NUDC: variants seen among roughly 807,000 people sequenced by gnomAD.
NUDC encodes nuclear distribution C, dynein complex regulator, also known as nuclear migration protein nudC.
A neutral mutation model predicts 45.0 loss-of-function variants in NUDC; 14 were observed. The ratio of observed to expected loss-of-function variants is 0.31; its 90% CI spans 0.21 to 0.49. The LOEUF is 0.49. NUDC is among the 20% of genes least tolerant of loss of function. The pLI, the probability that NUDC is intolerant of heterozygous loss-of-function variation, is 0.99. For synonymous variants in NUDC, 153 were observed against 156.7 expected (o/e 0.98, Z 0.17); for missense variants, 323 against 426.2 (o/e 0.76, Z 2.13).
chr1:26,941,773 T>A lies in NUDC; in HGVS notation c.384T>A (p.His128Gln). Residue 128 changes from histidine to glutamine, a missense_variant, in exon 4 of 9, where the codon CAT becomes CAA. Physicochemically the swap from His to Gln is conservative, Grantham distance 24 (BLOSUM62 0). Around this residue, in one of 3 missense-constraint regions of NUDC, gnomAD observed 245 missense variants for 278.8 expected, o/e 0.88. Transcript: ENST00000321265. ...EIDQKKDAENHEAQLKNGSLD... is the reference protein window; with the variant it reads ...EIDQKKDAENQEAQLKNGSLD... ...CCCAGAAAAAGGATGCAGAGAATCA[T>A]GAGGCCCAGCTCAAGAACGGCAGCC... 1 of 1,614,000 alleles carries A rather than the reference T, an allele frequency of 6.2e-7. No homozygotes were observed. The highest frequency in any genetic ancestry group is 1.7e-5 in the Admixed American group (1 of 60,020).
chr1:26,940,674 CA>C (rs2082268918), intron 2 of NUDC, among the ~76,000 whole-genome samples: 1 of 152,146 alleles, frequency 6.6e-6, no homozygotes, highest in East Asian at 1.9e-4. Context: ...TTACTTTAAA[CA>C]GCGCCACTTT....
chr1:26,904,993 C>G (rs1407474356), intron 2 of NUDC, among the ~76,000 whole-genome samples: 2 of 150,540 alleles, frequency 1.3e-5, no homozygotes, highest in Non-Finnish European at 3.0e-5. Flanking sequence ...TGCGCCACCA[C>G]GCCCGGCTAA....
intron 3 of NUDC, chr1:26,913,789 G>A (rs1248053034): frequency 3.2e-6 from 5 of 1,548,778 alleles, no homozygotes; most frequent in Admixed American, 1.9e-5. Context: ...GCGATGAGGT[G>A]CACATAGCTG....
intron 3 of NUDC, chr1:26,913,684 C>A (rs370959977): frequency 1.9e-6 from 3 of 1,612,838 alleles, no homozygotes; most frequent in South Asian, 1.1e-5. Flanking sequence ...CTGCAGCAGC[C>A]GCCGCTGGTC....
At chr1:26,910,180 G>C (rs977927851) in intron 2 of NUDC, among the ~76,000 whole-genome samples, 10 of 152,150 alleles carry the variant, frequency 6.6e-5, no homozygotes, top group African/African-American at 2.2e-4. Flanking sequence ...GTGACTGTGT[G>C]GGGGTCTGCA....
At chr1:26,928,903 A>G (rs890337249) in intron 2 of NUDC, among the ~76,000 whole-genome samples, 3 of 152,222 alleles carry the variant, frequency 2.0e-5, no homozygotes, top group African/African-American at 7.2e-5. Context: ...CGTATGTTCT[A>G]GCAGTCATGC....
intron 2 of NUDC, among the ~76,000 whole-genome samples, chr1:26,936,417 C>T (rs957178108): frequency 2.0e-5 from 3 of 150,472 alleles, no homozygotes; most frequent in South Asian, 2.1e-4. Context: ...CTTGAACTCC[C>T]GACCTCAGGT....
At chr1:26,904,479 C>G (rs1169625578) in intron 2 of NUDC, among the ~76,000 whole-genome samples, 1 of 152,038 alleles carries the variant, frequency 6.6e-6, no homozygotes, top group Non-Finnish European at 1.5e-5. Flanking sequence ...AGGCTAGAGT[C>G]CATTGGCGCA....
chr1:26,942,459 A>G (rs942877488), intron 4 of NUDC, among the ~76,000 whole-genome samples: 1 of 152,216 alleles, frequency 6.6e-6, no homozygotes, highest in African/African-American at 2.4e-5. Context: ...AGCTCCTCTC[A>G]GACTGAGATC....
chr1:26,915,430 T>G (rs1384116542), intron 3 of NUDC, among the ~76,000 whole-genome samples: 1 of 152,186 alleles, frequency 6.6e-6, no homozygotes, highest in African/African-American at 2.4e-5. Flanking sequence ...CCCGGGCATC[T>G]TTCTCAGATG....
At chr1:26,929,896 C>T (rs924335746) in intron 2 of NUDC, among the ~76,000 whole-genome samples, 11 of 151,920 alleles carry the variant, frequency 7.2e-5, no homozygotes, top group South Asian at 2.1e-4. Context: ...TGGTGGTAGG[C>T]GCCTGTAATC....
intron 3 of NUDC, chr1:26,911,349 G>A: frequency 5.5e-6 from 2 of 366,842 alleles, no homozygotes; most frequent in South Asian, 4.2e-5. Context: ...ATGGGATTGT[G>A]AACTGATACT....
chr1:26,913,384 C>CA, intron 3 of NUDC: 1 of 1,612,292 alleles, frequency 6.2e-7, no homozygotes, highest in Non-Finnish European at 8.5e-7. Context: ...CCTTGCCCCC[C>CA]ACCCAGGAGT....
At position 26,913,771 on chromosome 1, in the gene NUDC, C is replaced by T. The variant is rs137897173; in HGVS notation, c.93+2536C>T. ...CTTGGCCAGAACATCCAAGGCCTCC[C>T]GGCAGGTGCGATGAGGTGCACATAG... On this transcript the variant is annotated intron_variant, in intron 3 of 6. Coordinates refer to the NUDC transcript ENST00000435827. 43 of 1,565,818 alleles carry T rather than the reference C, an allele frequency of 2.7e-5. No homozygotes were observed. Among genetic ancestry groups the T allele is most frequent in the African/African-American group, 2.0e-4 (15 of 73,604 alleles).
At position 26,921,827 on chromosome 1, in the gene NUDC, G is replaced by T; in HGVS notation, c.-22G>T. ...GCGGGACTAGAGTGCAGAGCTCCGG[G>T]ACGTGGATCGGAGCCGGCGCGATGG... is the stretch of plus-strand genomic sequence containing the variant. On this transcript the variant is annotated 5_prime_UTR_variant, in exon 1 of 9. Transcript: ENST00000321265. The T allele has an allele frequency of 6.5e-7, 1 of 1,549,320 alleles. No individual in the cohort carries two copies. Among genetic ancestry groups the T allele is most frequent in the South Asian group, 1.2e-5 (1 of 83,986 alleles).
At chr1:26,909,471 A>T (rs1019892081) in intron 2 of NUDC, among the ~76,000 whole-genome samples, 2 of 152,160 alleles carry the variant, frequency 1.3e-5, no homozygotes, top group African/African-American at 4.8e-5. Flanking sequence ...AAATTAAATA[A>T]GTTGAGGGAA....
chr1:26,939,067 C>G (rs1017051085), intron 2 of NUDC, among the ~76,000 whole-genome samples: 1 of 152,166 alleles, frequency 6.6e-6, no homozygotes, highest in Non-Finnish European at 1.5e-5. Flanking sequence ...GATCTCTGCT[C>G]ACTGCAACCT....
In NUDC at chr1:26,913,928, G is replaced by C. The variant is rs147871331; in HGVS notation, c.93+2693G>C. The C allele has an allele frequency of 8.6e-4, 1,273 of 1,476,718 alleles. 9 individuals are homozygous for C. In the African/African-American group the frequency reaches 0.015, roughly 18 times the overall value. 91.5% of individuals were successfully genotyped at this position (1,476,718 alleles called of 1,614,324 possible). A position where few individuals can be genotyped will look rare whatever the true frequency, so the allele number is the denominator to read the frequency against. ...CCCTGGCATGGGCAGGCCCCTGGTT[G>C]GCTGGTGCTCATGGTTAGGGATCTG... On this transcript the variant is annotated intron_variant, in intron 3 of 6. Coordinates refer to the NUDC transcript ENST00000435827.
chr1:26,927,760 A>G (rs1468532759), intron 2 of NUDC, among the ~76,000 whole-genome samples: 1 of 152,138 alleles, frequency 6.6e-6, no homozygotes, highest in Non-Finnish European at 1.5e-5. Flanking sequence ...GAGGATTTAA[A>G]AAAAGGCAAA....
Sources: gnomAD v4.1 joint callset for allele counts (sites outside exome capture counted in the v4.1 genomes callset) on GRCh38, gnomAD v4.1.1 for gene constraint, gnomAD v4.1.1 regional missense constraint, MANE v1.5 for transcripts, NCBI Gene and HGNC (gene_info 2026-07-23, HGNC 2026-07-21) for gene names.